Variants in FYN observed in about 807,000 individuals in gnomAD.
The protein encoded by FYN is FYN proto-oncogene, Src family tyrosine kinase, also known as tyrosine-protein kinase Fyn.
A neutral mutation model predicts 70.2 loss-of-function variants in FYN; 10 were observed. That is an observed-to-expected ratio of 0.14 (90% CI 0.09 to 0.24). FYN has a LOEUF of 0.24. Ranked by LOEUF, FYN falls within the 10% of genes least tolerant of loss-of-function variation. The pLI is 1.00. For missense variants in FYN, 319 were observed against 673.1 expected (o/e 0.47, Z 5.82); for synonymous variants, 236 against 248.6 (o/e 0.95, Z 0.48).
At chr6:111,670,387 C>T (rs369877446) in intron 13 of FYN, among the ~76,000 whole-genome samples, 1 of 152,198 alleles carries the variant, frequency 6.6e-6, no homozygotes, top group Admixed American at 6.5e-5. Context: ...CCACTCTCCC[C>T]TCTCTCCCCT....
rs926220381 is a variant in FYN at position 111,743,335 on chromosome 6, A to G, written c.-11-23273T>C. Among the ~76,000 whole-genome samples, 4 of 152,212 alleles carry G rather than the reference A, an allele frequency of 2.6e-5. No individual in the cohort carries two copies. The East Asian group carries it at 5.8e-4, about 22-fold the overall frequency. On this transcript the variant is annotated intron_variant, in intron 3 of 13. Coordinates refer to ENST00000354650, the MANE Select transcript of FYN (RefSeq NM_002037.5). ...GGTTAACAAAAATGTGGCTTCCTCTATCTGTATCCCTGTATTTCTTACTTT... is the reference window on the plus strand; with the variant it reads ...GGTTAACAAAAATGTGGCTTCCTCTGTCTGTATCCCTGTATTTCTTACTTT...
intron 9 of FYN, among the ~76,000 whole-genome samples, chr6:111,698,499 T>G (rs1383151158): frequency 6.6e-6 from 1 of 152,186 alleles, no homozygotes; most frequent in African/African-American, 2.4e-5. Flanking sequence ...CAAAGGGTAC[T>G]GATCGATATT....
rs1774348173 is a variant in FYN at position 111,873,427 on chromosome 6, CTCGCTGCT to C, written c.-590_-583del. 4 of 151,852 alleles carry C rather than the reference CTCGCTGCT, an allele frequency of 2.6e-5. No homozygotes were observed. Among genetic ancestry groups the C allele is most frequent in the Admixed American group, 2.6e-4 (4 of 15,280 alleles). 9.4% of individuals were successfully genotyped at this position (151,852 alleles called of 1,614,324 possible). On this transcript the variant is annotated 5_prime_UTR_variant, in exon 1 of 14. Transcript: ENST00000354650. ...CGCGCCGCCGCCACCAGCGCGGCTG[CTCGCTGCT>C]ACTCTTGCTGATGCTCTGCCCCTCC...
chr6:111,705,974 G>A (rs1483032239), intron 6 of FYN, among the ~76,000 whole-genome samples: 3 of 152,194 alleles, frequency 2.0e-5, no homozygotes, highest in Non-Finnish European at 4.4e-5. Flanking sequence ...TGGCACAACT[G>A]TAAGAACTGG....
intron 12 of FYN, among the ~76,000 whole-genome samples, chr6:111,685,938 T>C (rs902493880): frequency 6.6e-6 from 1 of 152,180 alleles, no homozygotes; most frequent in African/African-American, 2.4e-5. Context: ...AATCCATTTG[T>C]ATCCTCTGGG....
chr6:111,703,368 T>C (rs1799928677), intron 7 of FYN, among the ~76,000 whole-genome samples: 1 of 152,198 alleles, frequency 6.6e-6, no homozygotes, highest in Admixed American at 6.5e-5. Flanking sequence ...CCACGATGAA[T>C]GGCTGAGCTT....
intron 3 of FYN, among the ~76,000 whole-genome samples, chr6:111,745,104 TTGAA>T (rs1802148233): frequency 6.6e-6 from 1 of 152,186 alleles, no homozygotes; most frequent in Non-Finnish European, 1.5e-5. Flanking sequence ...TGCTGCAGTG[TTGAA>T]TGAATGAGTG....
chr6:111,672,088 G>C (rs761572307), intron 13 of FYN, among the ~76,000 whole-genome samples: 1 of 152,122 alleles, frequency 6.6e-6, no homozygotes, highest in Non-Finnish European at 1.5e-5. Context: ...AGGCCCCAAC[G>C]CAGGCTCTCG....
intron 2 of FYN, among the ~76,000 whole-genome samples, chr6:111,806,337 T>C (rs1207563544): frequency 6.6e-6 from 1 of 151,478 alleles, no homozygotes; most frequent in Non-Finnish European, 1.5e-5. Context: ...GAGGAGGGGG[T>C]GGGACACACT....
chr6:111,705,554 T>A (rs187620702), intron 6 of FYN, among the ~76,000 whole-genome samples: 4 of 152,000 alleles, frequency 2.6e-5, no homozygotes, highest in Admixed American at 2.0e-4. Context: ...ACTAAAAAAA[T>A]TTTTTTTGTA....
intron 2 of FYN, among the ~76,000 whole-genome samples, chr6:111,816,866 T>C (rs1772505122): frequency 6.6e-6 from 1 of 152,214 alleles, no homozygotes; most frequent in African/African-American, 2.4e-5. Context: ...GTGTTGCTTC[T>C]AACAGAAAAA....
chr6:111,737,541 C>T (rs542949639), intron 3 of FYN, among the ~76,000 whole-genome samples: 27 of 152,318 alleles, frequency 1.8e-4, no homozygotes, highest in African/African-American at 5.1e-4. Context: ...AAGGAAAGGG[C>T]GTGGAGCGTC....
At chr6:111,848,574 T>C (rs1187592126) in intron 1 of FYN, among the ~76,000 whole-genome samples, 3 of 152,184 alleles carry the variant, frequency 2.0e-5, no homozygotes, top group Non-Finnish European at 4.4e-5. Context: ...AAAAACAATA[T>C]ATACACCCAT....
chr6:111,815,085 G>C (rs1026671976), intron 2 of FYN, among the ~76,000 whole-genome samples: 4 of 152,164 alleles, frequency 2.6e-5, no homozygotes, highest in Non-Finnish European at 5.9e-5. Context: ...AATTTTGACA[G>C]TATTCAATAA....
At chr6:111,707,838 C>T (rs1450003363) in intron 6 of FYN, 84 bp downstream of exon 6, 5 of 1,064,618 alleles carry the variant, frequency 4.7e-6, no homozygotes, top group Middle Eastern at 2.1e-4. Flanking sequence ...ATTTCTTCTC[C>T]CTCCTGCCCA....
chr6:111,702,043 C>T (rs997447083), intron 8 of FYN, among the ~76,000 whole-genome samples: 1 of 151,900 alleles, frequency 6.6e-6, no homozygotes. Context: ...TCCTGGAGAA[C>T]AATAGAAAAT....
At chr6:111,806,754 G>A (rs1443353498) in intron 2 of FYN, among the ~76,000 whole-genome samples, 4 of 152,188 alleles carry the variant, frequency 2.6e-5, no homozygotes, top group South Asian at 2.1e-4. Context: ...TGGGCATGCT[G>A]ACTCAGTGGA....
intron 2 of FYN, among the ~76,000 whole-genome samples, chr6:111,794,721 G>A (rs1771746981): frequency 6.6e-6 from 1 of 152,156 alleles, no homozygotes. Flanking sequence ...ATACCCACTC[G>A]TTTCCATATT....
intron 12 of FYN, among the ~76,000 whole-genome samples, chr6:111,683,197 A>G (rs1340185744): frequency 6.6e-6 from 1 of 152,240 alleles, no homozygotes; most frequent in Non-Finnish European, 1.5e-5. Flanking sequence ...AAATGGTGGC[A>G]CTGCCTTTAG....
Sources: gnomAD v4.1 joint callset for allele counts (sites outside exome capture counted in the v4.1 genomes callset) on GRCh38, gnomAD v4.1.1 for gene constraint, MANE v1.5 for transcripts, NCBI Gene and HGNC (gene_info 2026-07-23, HGNC 2026-07-21) for gene names.